AKR1C4: variants seen among roughly 807,000 people sequenced by gnomAD.
AKR1C4 encodes the protein aldo-keto reductase family 1 member C4.
In AKR1C4, 44 loss-of-function variants were observed where a neutral mutation model predicts 41.0. The ratio of observed to expected loss-of-function variants is 1.07; its 90% confidence interval spans 0.84 to 1.38. The LOEUF is 1.38. AKR1C4 is among the 40% of genes most tolerant of loss of function. AKR1C4 has a pLI of 0.00. For missense variants in AKR1C4, 438 were observed against 387.9 expected, an observed-to-expected ratio of 1.13 and a Z score of -1.09; for synonymous variants, 165 against 137.7, an observed-to-expected ratio of 1.20 and a Z score of -1.39.
In AKR1C4 at chr10:5,208,238, G is replaced by A. The variant is rs186171241; in HGVS notation, c.570+1841G>A. Among the ~76,000 whole-genome samples, 602 of 151,614 alleles carry A rather than the reference G, an allele frequency of 4.0e-3. 7 individuals are homozygous for A. Among genetic ancestry groups the A allele is most frequent in the South Asian group, 0.015 (71 of 4,828 alleles). ...AACTGTTTAGAAGCATTTATTCTGCGTATGGTTCTGTTCTCTTACTCTTTT... is the reference window on the plus strand; with the variant it reads ...AACTGTTTAGAAGCATTTATTCTGCATATGGTTCTGTTCTCTTACTCTTTT... On this transcript the variant is annotated intron_variant, in intron 5 of 8. Transcript: ENST00000263126.
At chr10:5,216,660 A>C (rs1554798533) in intron 7 of AKR1C4, 51 bp from the exon 8 acceptor site, 1 of 1,422,678 alleles carries the variant, frequency 7.0e-7, no homozygotes, top group Admixed American at 1.8e-5. Flanking sequence ...TGGCTATTCC[A>C]AGTTGACAAT....
At chr10:5,207,436 T>C (rs1474277823) in intron 5 of AKR1C4, 22 of 348,704 alleles carry the variant, frequency 6.3e-5, no homozygotes, top group Non-Finnish European at 3.5e-5. Flanking sequence ...ATATGCAAGA[T>C]GCACAGATGG....
At chr10:5,205,289 T>C (rs183866397) in intron 3 of AKR1C4, among the ~76,000 whole-genome samples, 105 of 152,328 alleles carry the variant, frequency 6.9e-4, no homozygotes, top group Admixed American at 1.6e-3. Flanking sequence ...CCGTGGGTCT[T>C]ACAACTTTCA....
At chr10:5,218,374 C>G (rs1434202045) in intron 8 of AKR1C4, among the ~76,000 whole-genome samples, 2 of 152,050 alleles carry the variant, frequency 1.3e-5, no homozygotes, top group African/African-American at 4.8e-5. Flanking sequence ...CTATTCAAAA[C>G]AATGCAAGAT....
chr10:5,214,373 TC>T (rs59582332), intron 7 of AKR1C4, among the ~76,000 whole-genome samples: 118,815 of 151,588 alleles, frequency 0.78, 47,039 homozygotes, highest in East Asian at 0.9. Flanking sequence ...TGACTTAGTC[TC>T]TTATATAATA....
At chr10:5,215,257 A>C (rs1250578440) in intron 7 of AKR1C4, among the ~76,000 whole-genome samples, 1 of 152,162 alleles carries the variant, frequency 6.6e-6, no homozygotes, top group Non-Finnish European at 1.5e-5. Flanking sequence ...TTCTAATCTC[A>C]TGTTAAAATG....
intron 7 of AKR1C4, 94 bp downstream of exon 7, chr10:5,213,253 C>A: frequency 6.5e-7 from 1 of 1,535,222 alleles, no homozygotes; most frequent in African/African-American, 1.4e-5. Context: ...ACTAAGTCCA[C>A]TTCCTGGGCA....
chr10:5,212,467 A>G (rs1475322067), intron 5 of AKR1C4, 149 bp from the exon 6 acceptor site: 1 of 787,708 alleles, frequency 1.3e-6, no homozygotes, highest in South Asian at 2.7e-5. Flanking sequence ...TAGACCAGTA[A>G]TATAAACTGT....
At chr10:5,214,340 C>T (rs950841193) in intron 7 of AKR1C4, among the ~76,000 whole-genome samples, 22 of 147,910 alleles carry the variant, frequency 1.5e-4, no homozygotes, top group Non-Finnish European at 3.0e-4. Flanking sequence ...AGTCTTACTA[C>T]CATAATAGTA....
At chr10:5,207,641 A>T in intron 5 of AKR1C4, 1 of 1,161,290 alleles carries the variant, frequency 8.6e-7, no homozygotes, top group South Asian at 1.2e-5. Flanking sequence ...ACTCCTTGGC[A>T]TTTGCAGCCT....
chr10:5,197,945 T>C (rs1354667803), intron 1 of AKR1C4, among the ~76,000 whole-genome samples: 1 of 150,156 alleles, frequency 6.7e-6, no homozygotes, highest in South Asian at 2.1e-4. Context: ...GGGAAGGTAG[T>C]GCAACCTGGC....
intron 1 of AKR1C4, among the ~76,000 whole-genome samples, chr10:5,197,726 G>C (rs981234655): frequency 6.6e-6 from 1 of 152,186 alleles, no homozygotes; most frequent in Non-Finnish European, 1.5e-5. Context: ...TTAATAAGGA[G>C]TAGTCACATA....
In AKR1C4 at chr10:5,216,813, G is replaced by T; in HGVS notation, c.929+20G>T. Reference sequence around the variant, plus strand: ...GGATTTGTAAGTAACTTTGGAAAATGGGTTTCCCAGTTTATTTTTAGAGGA... The same window carrying T: ...GGATTTGTAAGTAACTTTGGAAAATTGGTTTCCCAGTTTATTTTTAGAGGA... On this transcript the variant is annotated intron_variant, in intron 8 of 8. Transcript: ENST00000263126. 6.4e-7 allele frequency: 1 copy of T among 1,559,742 alleles called. No homozygotes were observed. Among genetic ancestry groups the T allele is most frequent in the South Asian group, 1.1e-5 (1 of 87,786 alleles).
intron 3 of AKR1C4, 39 bp downstream of exon 3, chr10:5,204,532 G>C: frequency 7.1e-7 from 1 of 1,417,846 alleles, no homozygotes; most frequent in Non-Finnish European, 1.0e-6. Flanking sequence ...TCTGTTCTCA[G>C]CATGACCATC....
intron 1 of AKR1C4, among the ~76,000 whole-genome samples, chr10:5,199,631 G>A (rs1832365632): frequency 6.6e-6 from 1 of 152,138 alleles, no homozygotes; most frequent in Admixed American, 6.5e-5. Context: ...CCACCTACTG[G>A]CAGAAGCAGA....
intron 5 of AKR1C4, among the ~76,000 whole-genome samples, chr10:5,211,625 A>AGAAAAG (rs1832577126): frequency 1.3e-5 from 2 of 152,304 alleles, no homozygotes; most frequent in Admixed American, 1.3e-4. Flanking sequence ...GGACCTTCTT[A>AGAAAAG]TACTTTTCTG....
chr10:5,198,507 G>A (rs1461774530), intron 1 of AKR1C4, among the ~76,000 whole-genome samples: 1 of 152,180 alleles, frequency 6.6e-6, no homozygotes, highest in Non-Finnish European at 1.5e-5. Flanking sequence ...AATTTAACCA[G>A]CACCCAGTTA....
intron 5 of AKR1C4, among the ~76,000 whole-genome samples, chr10:5,211,503 G>A (rs1832575295): frequency 6.6e-6 from 1 of 152,110 alleles, no homozygotes; most frequent in African/African-American, 2.4e-5. Context: ...CATAACAAGA[G>A]TCACCTTTGC....
Position 5,218,943 on chromosome 10 carries a change from G to A in AKR1C4, c.*183G>A. The A allele has an allele frequency of 1.9e-6, 1 of 512,978 alleles. No individual in the cohort carries two copies. 31.8% of individuals were successfully genotyped at this position (512,978 alleles called of 1,614,324 possible). On this transcript the variant is annotated 3_prime_UTR_variant, in exon 9 of 9. Coordinates refer to ENST00000263126, the MANE Select transcript of AKR1C4 (RefSeq NM_001818.5). ...AGCAAACATAATAAATTTTTATCTT[G>A]AAGTAATTGAATGTTTTTCCTTAAA...
Sources: allele counts gnomAD v4.1 joint callset (sites outside exome capture counted in the v4.1 genomes callset), GRCh38; gene constraint gnomAD v4.1.1; transcripts MANE v1.5; gene names NCBI Gene and HGNC (gene_info 2026-07-23, HGNC 2026-07-21).